The following CADPS variants were observed in gnomAD, a reference collection of about 807,000 sequenced individuals.
CADPS encodes calcium dependent secretion activator.
Under a neutral mutation model 167.3 loss-of-function variants are expected in CADPS, and 57 were observed. The ratio of observed to expected loss-of-function variants is 0.34; its 90% CI spans 0.28 to 0.42. The LOEUF is 0.42. Ranked by LOEUF, CADPS falls within the 20% of genes least tolerant of loss-of-function variation. The pLI, the probability that CADPS is intolerant of heterozygous loss-of-function variation, is 1.00. For missense variants in CADPS, 1,414 were observed against 1,738.1 expected, an observed-to-expected ratio of 0.81 and a Z score of 3.32; for synonymous variants, 676 against 635.3, an observed-to-expected ratio of 1.06 and a Z score of -0.96.
chr3:62,567,778 TTGCCCAGGC>T (rs2080534483), intron 9 of CADPS, among the ~76,000 whole-genome samples: 1 of 152,084 alleles, frequency 6.6e-6, no homozygotes, highest in South Asian at 2.1e-4. Flanking sequence ...TTTCACCATG[TTGCCCAGGC>T]TGCTCTCAAA....
At chr3:62,505,369 G>A (rs1192417102) in intron 17 of CADPS, among the ~76,000 whole-genome samples, 1 of 152,090 alleles carries the variant, frequency 6.6e-6, no homozygotes, top group East Asian at 1.9e-4. Context: ...TGGAGCCATC[G>A]TTGTCTTTTC....
chr3:62,567,660 C>T (rs1300768675), intron 9 of CADPS, among the ~76,000 whole-genome samples: 3 of 149,826 alleles, frequency 2.0e-5, no homozygotes, highest in Admixed American at 6.7e-5. Flanking sequence ...CTGCAGCCTC[C>T]GCCTCCTGGG....
rs80188244 is a variant in CADPS, at chr3:62,861,754, C to T, written c.441+12835G>A. Among the ~76,000 whole-genome samples the T allele has an allele frequency of 4.8e-3, 734 of 152,304 alleles. 4 individuals are homozygous for T. Among genetic ancestry groups the T allele is most frequent in the Non-Finnish European group, 7.6e-3 (519 of 68,020 alleles). On this transcript the variant is annotated intron_variant, in intron 1 of 29. Transcript: ENST00000383710. ...GTCTCCCACTCCTTAATCCCCTTACCTTGGTGAAGGGCATCTACCATCATG... is the reference window on the plus strand; with the variant it reads ...GTCTCCCACTCCTTAATCCCCTTACTTTGGTGAAGGGCATCTACCATCATG...
chr3:62,489,654 G>T (rs2063391373), intron 21 of CADPS, among the ~76,000 whole-genome samples: 1 of 152,188 alleles, frequency 6.6e-6, no homozygotes, highest in African/African-American at 2.4e-5. Context: ...GGCTCTTCAA[G>T]GAATAGTGAA....
chr3:62,872,402 G>T (rs2082792837), intron 1 of CADPS, among the ~76,000 whole-genome samples: 1 of 151,598 alleles, frequency 6.6e-6, no homozygotes. Flanking sequence ...GTAATAAGGA[G>T]ATATATATAT....
At chr3:62,631,727 G>A (rs1010417437) in intron 6 of CADPS, among the ~76,000 whole-genome samples, 3 of 152,116 alleles carry the variant, frequency 2.0e-5, no homozygotes, top group East Asian at 3.9e-4. Flanking sequence ...TGAGCACAAT[G>A]ATTTGCTTGC....
chr3:62,641,321 T>C (rs1292350832), intron 6 of CADPS, among the ~76,000 whole-genome samples: 1 of 152,180 alleles, frequency 6.6e-6, no homozygotes, highest in Non-Finnish European at 1.5e-5. Context: ...ATCAGAAGAA[T>C]TGAAAAATAA....
At chr3:62,590,325 C>A (rs971308381) in intron 7 of CADPS, among the ~76,000 whole-genome samples, 1 of 152,074 alleles carries the variant, frequency 6.6e-6, no homozygotes, top group Admixed American at 6.6e-5. Flanking sequence ...CTCTGAGACT[C>A]GTGATTCTTA....
At chr3:62,786,616 G>C (rs1168383286) in intron 1 of CADPS, among the ~76,000 whole-genome samples, 2 of 152,150 alleles carry the variant, frequency 1.3e-5, no homozygotes. Context: ...CTGCACTTCA[G>C]CCTGGGTGAC....
chr3:62,652,692 G>T (rs978484817), intron 4 of CADPS, among the ~76,000 whole-genome samples: 4 of 152,164 alleles, frequency 2.6e-5, no homozygotes, highest in African/African-American at 9.6e-5. Context: ...GGGAGGCAGG[G>T]ACTGAAGGAG....
chr3:62,690,639 C>T (rs185391872), intron 3 of CADPS, among the ~76,000 whole-genome samples: 19 of 151,882 alleles, frequency 1.3e-4, no homozygotes, highest in Non-Finnish European at 1.6e-4. Flanking sequence ...ACCCACCAAC[C>T]TTGCTGGGTC....
intron 3 of CADPS, among the ~76,000 whole-genome samples, chr3:62,713,448 A>AC (rs1441636718): frequency 2.0e-5 from 3 of 152,000 alleles, no homozygotes; most frequent in African/African-American, 4.8e-5. Context: ...GGCAGTTATC[A>AC]CCCCTTTTCA....
intron 24 of CADPS, among the ~76,000 whole-genome samples, chr3:62,472,780 T>G (rs1033974899): frequency 6.6e-6 from 1 of 152,220 alleles, no homozygotes; most frequent in Non-Finnish European, 1.5e-5. Flanking sequence ...ACTCCAGCTT[T>G]CAGCTCAGCC....
At chr3:62,468,472 T>C (rs985984351) in intron 24 of CADPS, among the ~76,000 whole-genome samples, 5 of 152,190 alleles carry the variant, frequency 3.3e-5, no homozygotes, top group Non-Finnish European at 7.4e-5. Context: ...AGAGTAATTG[T>C]TCTCCACACA....
chr3:62,744,027 G>A (rs2080900503), intron 3 of CADPS, among the ~76,000 whole-genome samples: 1 of 152,112 alleles, frequency 6.6e-6, no homozygotes, highest in East Asian at 1.9e-4. Context: ...TTGAAATGTT[G>A]AGTTCAAATC....
At chr3:62,559,988 T>C (rs2078867539) in intron 9 of CADPS, among the ~76,000 whole-genome samples, 1 of 151,826 alleles carries the variant, frequency 6.6e-6, no homozygotes, top group South Asian at 2.1e-4. Context: ...TTTTTTTTTT[T>C]TTCCTTTTCT....
chr3:62,399,567 G>A lies in CADPS; in HGVS notation c.3901C>T (p.Arg1301Ter), dbSNP rs141301525. 5.6e-6 allele frequency: 9 copies of A among 1,613,852 alleles called. No homozygotes were observed. Among genetic ancestry groups the A allele is most frequent in the Admixed American group, 1.7e-5 (1 of 60,004 alleles). The change falls in exon 30 of 30, where the codon CGA becomes TGA. Residue 1301 changes from arginine to a stop codon, truncating the protein, a stop_gained. Coordinates refer to ENST00000383710, the MANE Select transcript of CADPS (RefSeq NM_003716.4). LOFTEE classifies it high-confidence loss of function. The surrounding 1 kb of genome is among the most constrained non-coding windows in gnomAD (Gnocchi z 5.6). ...RMVKKTYRDF[R>*]LQGVLDSTLN... ...GTGGAGTCCAGGACCCCTTGCAATC[G>A]GAAATCTCTGTAGGTTTTCTAAGGA... is the stretch of plus-strand genomic sequence containing the variant.
chr3:62,766,412 C>A (rs975379453), intron 1 of CADPS, among the ~76,000 whole-genome samples: 10 of 152,020 alleles, frequency 6.6e-5, no homozygotes, highest in African/African-American at 2.2e-4. Context: ...ATATTTAGAC[C>A]ATGGAAATTG....
chr3:62,845,968 G>C (rs995187091), intron 1 of CADPS, among the ~76,000 whole-genome samples: 2 of 152,020 alleles, frequency 1.3e-5, no homozygotes, highest in South Asian at 2.1e-4. Context: ...ATTGGTTTAG[G>C]GGGGTAGATT....
Sources: allele counts gnomAD v4.1 joint callset (sites outside exome capture counted in the v4.1 genomes callset), GRCh38; gene constraint gnomAD v4.1.1; non-coding constraint Gnocchi (gnomAD v3.1); transcripts MANE v1.5; gene names NCBI Gene and HGNC (gene_info 2026-07-23, HGNC 2026-07-21).